INTS6: variants seen among roughly 807,000 people sequenced by gnomAD.
The protein encoded by INTS6 is DEAD box protein.
Under a neutral mutation model 104.9 loss-of-function variants are expected in INTS6, and 16 were observed. The ratio of observed to expected loss-of-function variants is 0.15; its 90% CI spans 0.10 to 0.23. The LOEUF is 0.23. Ranked by LOEUF, INTS6 falls within the 10% of genes least tolerant of loss-of-function variation. The probability of loss-of-function intolerance (pLI) is 1.00; values close to 1 mark genes in which losing one functional copy is unlikely to be tolerated. For missense variants in INTS6, 584 were observed against 1,062.8 expected, an observed-to-expected ratio of 0.55 and a Z score of 6.26; for synonymous variants, 324 against 358.7, an observed-to-expected ratio of 0.90 and a Z score of 1.09.
intron 4 of INTS6, among the ~76,000 whole-genome samples, chr13:51,401,357 T>C (rs1956436119): frequency 6.6e-6 from 1 of 152,144 alleles, no homozygotes; most frequent in African/African-American, 2.4e-5. Context: ...AACAGAAGGA[T>C]CATGTTCCTG....
At chr13:51,377,876 C>T (rs1465783018) in intron 12 of INTS6, among the ~76,000 whole-genome samples, 1 of 152,098 alleles carries the variant, frequency 6.6e-6, no homozygotes, top group East Asian at 1.9e-4. Flanking sequence ...ATATCTGTAA[C>T]CATGAGTACT....
the INTS6 span, chr13:51,344,102 C>T: frequency 1.5e-6 from 1 of 650,852 alleles, no homozygotes; most frequent in Non-Finnish European, 2.7e-6. Flanking sequence ...TTAGCTATGA[C>T]TTTTTCAAAC....
chr13:51,375,224 G>A (rs754675172), intron 13 of INTS6, among the ~76,000 whole-genome samples: 5 of 151,632 alleles, frequency 3.3e-5, no homozygotes, highest in African/African-American at 9.7e-5. Context: ...ATGGTGGCAC[G>A]TGCCTGTAAT....
At chr13:51,381,703 T>TG in intron 10 of INTS6, among the ~76,000 whole-genome samples, 1 of 137,042 alleles carries the variant, frequency 7.3e-6, no homozygotes, top group Non-Finnish European at 1.6e-5. Context: ...AGTTTTTTGT[T>TG]TTTTTTTTTT....
chr13:51,446,101 G>A (rs1952910568), intron 3 of INTS6: 2 of 152,122 alleles, frequency 1.3e-5, no homozygotes. Context: ...AAAATTTTGT[G>A]CACTGAAGAA....
the INTS6 span, among the ~76,000 whole-genome samples, chr13:51,336,800 A>C: frequency 2.6e-5 from 4 of 152,230 alleles, no homozygotes; most frequent in African/African-American, 9.6e-5. Context: ...GACTTGCCCA[A>C]AATCTGCCAG....
At chr13:51,376,015 T>C in intron 13 of INTS6, 33 bp downstream of exon 13, 2 of 1,551,540 alleles carry the variant, frequency 1.3e-6, no homozygotes, top group Non-Finnish European at 1.7e-6. Flanking sequence ...AGAAAAAAAA[T>C]TAAAAATACC....
chr13:51,387,332 T>C (rs1956159070), intron 7 of INTS6, 54 bp downstream of exon 7: 6 of 1,478,318 alleles, frequency 4.1e-6, no homozygotes, highest in Admixed American at 2.1e-5. Context: ...TTGAAACTAA[T>C]AGGAAAGACA....
At chr13:51,351,547 T>C (rs551724656), downstream of INTS6, among the ~76,000 whole-genome samples, 3 of 152,268 alleles carry the variant, frequency 2.0e-5, no homozygotes, top group South Asian at 4.1e-4. Flanking sequence ...CCTTAACAGA[T>C]ATATGATTTG....
chr13:51,404,103 C>CACACACAGAGAGAG (rs1491389220), intron 4 of INTS6, among the ~76,000 whole-genome samples: 3 of 103,952 alleles, frequency 2.9e-5, no homozygotes, highest in African/African-American at 7.9e-5. Context: ...CACACACACA[C>CACACACAGAGAGAG]AGAGAGAGAG....
intron 4 of INTS6, among the ~76,000 whole-genome samples, chr13:51,429,678 C>T (rs1187780859): frequency 6.9e-6 from 1 of 145,590 alleles, no homozygotes; most frequent in South Asian, 2.2e-4. Context: ...GCACAAGAAT[C>T]GCTTGAACCC....
intron 3 of INTS6, among the ~76,000 whole-genome samples, chr13:51,434,743 T>C (rs1240829868): frequency 1.3e-5 from 1 of 78,644 alleles, no homozygotes; most frequent in Admixed American, 1.3e-4. Context: ...AGTTTTCTTA[T>C]ATACTGTTTT....
In INTS6 at chr13:51,383,833, G is replaced by A. The variant is rs140699340; in HGVS notation, c.895-92C>T. 2,856 of 1,078,570 alleles carry A rather than the reference G, an allele frequency of 2.6e-3. 42 individuals carry two copies. In the African/African-American group the frequency reaches 0.036, roughly 14 times the overall value. 66.8% of individuals were successfully genotyped at this position (1,078,570 alleles called of 1,614,324 possible). A position where few individuals can be genotyped will look rare whatever the true frequency, so the allele number is the denominator to read the frequency against. Reference sequence around the variant, plus strand: ...TTATCAAAATTTACTCAGTTCCTCCGTCTTGCTAGTAAGAGTTTGATTTAC... The same window carrying A: ...TTATCAAAATTTACTCAGTTCCTCCATCTTGCTAGTAAGAGTTTGATTTAC... On this transcript the variant is annotated intron_variant, in intron 7 of 17. Transcript: ENST00000311234.
chr13:51,338,406 C>G, the INTS6 span, among the ~76,000 whole-genome samples: 1 of 152,100 alleles, frequency 6.6e-6, no homozygotes, highest in East Asian at 1.9e-4. Context: ...GATTTGTGAC[C>G]AAGCAGGTGA....
At chr13:51,430,527 A>AT (rs1957072104) in intron 3 of INTS6, 144 bp from the exon 4 acceptor site, 1 of 551,862 alleles carries the variant, frequency 1.8e-6, no homozygotes, top group Non-Finnish European at 3.1e-6. Flanking sequence ...ACATTTTAAG[A>AT]AAAGATATAG....
intron 4 of INTS6, among the ~76,000 whole-genome samples, chr13:51,409,036 T>C (rs771562312): frequency 6.6e-6 from 1 of 152,132 alleles, no homozygotes; most frequent in Non-Finnish European, 1.5e-5. Flanking sequence ...AGTTTGAGTC[T>C]ACGCCTTCCC....
intron 5 of INTS6, among the ~76,000 whole-genome samples, chr13:51,394,104 T>C (rs1431928291): frequency 6.6e-6 from 1 of 151,854 alleles, no homozygotes; most frequent in South Asian, 2.1e-4. Context: ...TGAATATAAA[T>C]GTGCACCCTC....
intron 10 of INTS6, among the ~76,000 whole-genome samples, chr13:51,381,333 C>A (rs1956046273): frequency 6.6e-6 from 1 of 152,190 alleles, no homozygotes; most frequent in Non-Finnish European, 1.5e-5. Flanking sequence ...CTAAGCCAGA[C>A]TGAATTTCAG....
intron 3 of INTS6, among the ~76,000 whole-genome samples, chr13:51,435,271 T>C (rs1215245017): frequency 2.6e-5 from 4 of 152,022 alleles, no homozygotes; most frequent in Non-Finnish European, 4.4e-5. Flanking sequence ...AATCCAAACA[T>C]ATCACTAGAA....
Sources: allele counts gnomAD v4.1 joint callset (sites outside exome capture counted in the v4.1 genomes callset), GRCh38; gene constraint gnomAD v4.1.1; transcripts MANE v1.5; gene names NCBI Gene and HGNC (gene_info 2026-07-23, HGNC 2026-07-21).